PTPRD: variants seen among roughly 807,000 people sequenced by gnomAD.
The protein encoded by PTPRD is protein tyrosine phosphatase receptor type D.
In PTPRD, 34 loss-of-function variants were observed where a neutral mutation model predicts 214.5. That is an observed-to-expected ratio of 0.16 (90% CI 0.12 to 0.21). PTPRD has a LOEUF of 0.21. Among genes scored for constraint, PTPRD ranks in the 10% least tolerant of loss-of-function variants. The pLI is 1.00. For synonymous variants in PTPRD, 1,128 were observed against 845.7 expected, an observed-to-expected ratio of 1.33 and a Z score of -5.79; for missense variants, 2,545 against 2,398.7, an observed-to-expected ratio of 1.06 and a Z score of -1.27.
chr9:9,157,308 A>G (rs991292204), intron 10 of PTPRD, among the ~76,000 whole-genome samples: 2 of 152,118 alleles, frequency 1.3e-5, no homozygotes, highest in African/African-American at 2.4e-5. Flanking sequence ...AACAGAGACC[A>G]GAAAAAAATT....
intron 9 of PTPRD, among the ~76,000 whole-genome samples, chr9:9,334,513 G>T (rs988454580): frequency 3.9e-5 from 6 of 151,908 alleles, no homozygotes; most frequent in African/African-American, 1.2e-4. Context: ...TAAAATATTT[G>T]ATGGTCTGGT....
At chr9:9,459,575 C>T (rs993825834) in intron 8 of PTPRD, among the ~76,000 whole-genome samples, 2 of 151,838 alleles carry the variant, frequency 1.3e-5, no homozygotes, top group East Asian at 1.9e-4. Flanking sequence ...GAGCTGAGAA[C>T]GAAACCAATA....
intron 5 of PTPRD, among the ~76,000 whole-genome samples, chr9:9,846,961 G>C (rs1006807011): frequency 6.6e-6 from 1 of 152,032 alleles, no homozygotes; most frequent in African/African-American, 2.4e-5. Flanking sequence ...CTAGCAGGGA[G>C]AATATCATGC....
intron 11 of PTPRD, among the ~76,000 whole-genome samples, chr9:8,791,021 A>C (rs2096209242): frequency 6.6e-6 from 1 of 152,130 alleles, no homozygotes; most frequent in South Asian, 2.1e-4. Context: ...ATAAAGACTC[A>C]CACCATATTT....
At chr9:8,358,702 CCA>C (rs2077575818) in intron 39 of PTPRD, among the ~76,000 whole-genome samples, 1 of 152,060 alleles carries the variant, frequency 6.6e-6, no homozygotes, top group African/African-American at 2.4e-5. Context: ...GTTAGCCTAA[CCA>C]CAGAGTAGAT....
intron 10 of PTPRD, among the ~76,000 whole-genome samples, chr9:9,127,770 A>G (rs117965172): frequency 2.4e-3 from 369 of 152,322 alleles, no homozygotes; most frequent in Non-Finnish European, 3.6e-3. Flanking sequence ...CTCGGGAAAG[A>G]GTAAAGAAAA....
intron 9 of PTPRD, among the ~76,000 whole-genome samples, chr9:9,310,084 T>G (rs951713970): frequency 1.3e-5 from 2 of 152,168 alleles, no homozygotes; most frequent in African/African-American, 4.8e-5. Flanking sequence ...AAAAGAAACT[T>G]TCACAGAGGA....
In PTPRD at chr9:9,882,741, C is replaced by A. The variant is rs189986020; in HGVS notation, c.-368+55766G>T. 4.3e-3 allele frequency among the ~76,000 whole-genome samples: 659 copies of A among 152,104 alleles called. 5 individuals are homozygous for A. The highest frequency in any genetic ancestry group is 0.024 in the South Asian group (113 of 4,806). On this transcript the variant is annotated intron_variant, in intron 5 of 45. Coordinates refer to ENST00000381196, the MANE Select transcript of PTPRD (RefSeq NM_002839.4). ...GACCCTCCCCAACCCCCCTATACAC[C>A]CCCAGACCCACCCTGATGTGATTTG...
At chr9:10,015,412 ATAATT>A (rs77330184) in intron 4 of PTPRD, among the ~76,000 whole-genome samples, 64,851 of 151,576 alleles carry the variant, frequency 0.43, 16,330 homozygotes, top group Middle Eastern at 0.61. Flanking sequence ...CTATGTGAAA[ATAATT>A]TACACTCAAA....
At chr9:10,194,549 C>T (rs905038791) in intron 3 of PTPRD, among the ~76,000 whole-genome samples, 1 of 151,870 alleles carries the variant, frequency 6.6e-6, no homozygotes, top group African/African-American at 2.4e-5. Flanking sequence ...TGAATTACTC[C>T]TATTCTGGTT....
chr9:9,324,984 T>C (rs142917348), intron 9 of PTPRD, among the ~76,000 whole-genome samples: 2,602 of 152,212 alleles, frequency 0.017, 75 homozygotes, highest in African/African-American at 0.06. Context: ...TCAGGTTTGT[T>C]AAAGATCAGA....
At chr9:9,752,873 T>A (rs1397017866) in intron 6 of PTPRD, among the ~76,000 whole-genome samples, 1 of 152,054 alleles carries the variant, frequency 6.6e-6, no homozygotes, top group Non-Finnish European at 1.5e-5. Flanking sequence ...TGAGGTCATT[T>A]GCATTATATA....
intron 5 of PTPRD, among the ~76,000 whole-genome samples, chr9:9,929,861 T>C (rs1272375227): frequency 6.6e-6 from 1 of 152,220 alleles, no homozygotes; most frequent in East Asian, 1.9e-4. Flanking sequence ...ATGAGTTATT[T>C]TGAAATTACA....
chr9:10,162,048 C>T (rs185787884), intron 3 of PTPRD, among the ~76,000 whole-genome samples: 2 of 151,414 alleles, frequency 1.3e-5, no homozygotes, highest in Admixed American at 6.6e-5. Flanking sequence ...AATATTGATG[C>T]TAGTGAGGAT....
intron 3 of PTPRD, among the ~76,000 whole-genome samples, chr9:10,163,060 G>C (rs934635968): frequency 6.6e-6 from 1 of 150,672 alleles, no homozygotes; most frequent in Non-Finnish European, 1.5e-5. Context: ...CAAAGAGGGG[G>C]AAAGAAATAA....
chr9:9,840,478 C>G, intron 5 of PTPRD, among the ~76,000 whole-genome samples: 1 of 151,776 alleles, frequency 6.6e-6, no homozygotes, highest in Non-Finnish European at 1.5e-5. Context: ...TGTGATTTGC[C>G]TAATAATGGC....
At chr9:8,989,164 A>G (rs773929103) in intron 11 of PTPRD, among the ~76,000 whole-genome samples, 2 of 152,050 alleles carry the variant, frequency 1.3e-5, no homozygotes, top group Non-Finnish European at 2.9e-5. Context: ...GTAATGATCA[A>G]ATCAGGGTAG....
chr9:10,245,518 C>T (rs896828428), intron 3 of PTPRD, among the ~76,000 whole-genome samples: 2 of 152,176 alleles, frequency 1.3e-5, no homozygotes, highest in African/African-American at 4.8e-5. Flanking sequence ...GGTGGCCCCA[C>T]AAGCACTACA....
intron 27 of PTPRD, 150 bp downstream of exon 27, chr9:8,492,712 T>C (rs1055397045): frequency 9.0e-5 from 41 of 457,018 alleles, no homozygotes; most frequent in Middle Eastern, 7.0e-4. Flanking sequence ...TATTTTTTTT[T>C]TTTTACCCCT....
Sources: gnomAD v4.1 joint callset for allele counts (sites outside exome capture counted in the v4.1 genomes callset) on GRCh38, gnomAD v4.1.1 for gene constraint, MANE v1.5 for transcripts, NCBI Gene and HGNC (gene_info 2026-07-23, HGNC 2026-07-21) for gene names.